The following GCA variants were observed in gnomAD, a reference collection of about 807,000 sequenced individuals.
GCA encodes the protein grancalcin, EF-hand calcium-binding protein.
A neutral mutation model predicts 32.6 loss-of-function variants in GCA; 30 were observed. The observed-to-expected ratio is 0.92, with a 90% CI of 0.69 to 1.25. The LOEUF (loss-of-function observed/expected upper bound fraction) is 1.25, where lower values mean the gene tolerates loss of function less well. Ranked by LOEUF, GCA falls within the 50% of genes most tolerant of loss-of-function variation. GCA has a pLI of 0.00. For synonymous variants in GCA, 102 were observed against 84.6 expected, an observed-to-expected ratio of 1.21 and a Z score of -1.13; for missense variants, 291 against 266.8, an observed-to-expected ratio of 1.09 and a Z score of -0.63.
intron 1 of GCA, among the ~76,000 whole-genome samples, chr2:162,320,228 C>T (rs1458654055): frequency 6.6e-6 from 1 of 152,146 alleles, no homozygotes; most frequent in Non-Finnish European, 1.5e-5. Context: ...TCTGTTTCTT[C>T]ACAGAACCCT....
rs545137170 is a variant in GCA, at chr2:162,359,790, A to T, written c.627+238A>T. On this transcript the variant is annotated intron_variant, in intron 7 of 7. Coordinates refer to ENST00000437150, the MANE Select transcript of GCA (RefSeq NM_012198.5). ...ATTTTTATGACAGGTTTTTTGAATT[A>T]AAAAAAAAATGATCTTTCAAATCAC... 4.4e-4 allele frequency among the ~76,000 whole-genome samples: 65 copies of T among 148,206 alleles called. 1 individual carries two copies. In the South Asian group the frequency reaches 0.013, roughly 30 times the overall value.
At chr2:162,371,327 A>G in exon 5 of GCA, 1 of 1,288,428 alleles carries the variant, frequency 7.8e-7, no homozygotes, top group Non-Finnish European at 1.0e-6. Context: ...GAACGTAATT[A>G]ACTTTGAACA....
chr2:162,375,216 A>G (rs1487531596), downstream of GCA, among the ~76,000 whole-genome samples: 3 of 152,218 alleles, frequency 2.0e-5, no homozygotes, highest in African/African-American at 7.2e-5. Flanking sequence ...TGAGTGGCTT[A>G]CAACAATGTT....
At chr2:162,320,242 C>G (rs192250694) in intron 1 of GCA, among the ~76,000 whole-genome samples, 54 of 152,310 alleles carry the variant, frequency 3.5e-4, no homozygotes, top group African/African-American at 1.2e-3. Context: ...GAACCCTACT[C>G]CTTTTTCACT....
At chr2:162,331,013 A>G (rs150873829) in intron 1 of GCA, among the ~76,000 whole-genome samples, 2 of 152,326 alleles carry the variant, frequency 1.3e-5, no homozygotes, top group East Asian at 1.9e-4. Flanking sequence ...CAATTGCACT[A>G]TGACTCATAC....
upstream of GCA, chr2:162,344,009 C>G (rs1684541234): frequency 1.7e-6 from 1 of 586,518 alleles, no homozygotes; most frequent in Admixed American, 2.9e-5. Flanking sequence ...TGGGGCTAGG[C>G]TGCGGGAAGG....
At chr2:162,349,530 T>C (rs1348013034) in intron 2 of GCA, among the ~76,000 whole-genome samples, 1 of 152,170 alleles carries the variant, frequency 6.6e-6, no homozygotes, top group Non-Finnish European at 1.5e-5. Flanking sequence ...TTTTTTTTCT[T>C]GATATGTTTC....
chr2:162,361,140 A>G lies in GCA; in HGVS notation c.*897A>G. ...CACTCTAATTGTTCAGAAATTTTAC[A>G]TTTGACTTATTTGACAACATTAACA... On this transcript the variant is annotated 3_prime_UTR_variant, in exon 8 of 8. Transcript: ENST00000437150. The G allele has an allele frequency of 1.0e-6, 1 of 981,652 alleles. No homozygotes were observed. The highest frequency in any genetic ancestry group is 1.2e-6 in the Non-Finnish European group (1 of 826,142). 60.8% of individuals were successfully genotyped at this position (981,652 alleles called of 1,614,324 possible).
intron 1 of GCA, among the ~76,000 whole-genome samples, chr2:162,332,581 G>A (rs559474730): frequency 5.3e-5 from 8 of 152,130 alleles, no homozygotes; most frequent in African/African-American, 1.9e-4. Context: ...CATAACTCAT[G>A]CCTACTAACA....
At chr2:162,371,199 A>T in intron 4 of GCA, 1 of 395,180 alleles carries the variant, frequency 2.5e-6, no homozygotes, top group South Asian at 2.1e-5. Context: ...ATAATTTTAA[A>T]TAGAAAGACC....
intron 2 of GCA, among the ~76,000 whole-genome samples, chr2:162,348,957 T>A (rs780649729): frequency 6.6e-6 from 1 of 151,886 alleles, no homozygotes; most frequent in Non-Finnish European, 1.5e-5. Flanking sequence ...TAATATAATA[T>A]TATATGAGTC....
At chr2:162,371,952 C>G (rs147843561), downstream of GCA, 8 of 1,613,730 alleles carry the variant, frequency 5.0e-6, no homozygotes, top group Non-Finnish European at 5.1e-6. Flanking sequence ...TTCTTTGCCG[C>G]AGGTGAAGCT....
At chr2:162,370,608 C>A (rs575461471) in intron 4 of GCA, among the ~76,000 whole-genome samples, 1 of 152,014 alleles carries the variant, frequency 6.6e-6, no homozygotes, top group Admixed American at 6.6e-5. Flanking sequence ...AATAACTAAA[C>A]ACAACTGAAA....
At position 162,361,763 on chromosome 2, in the gene GCA, A is replaced by G. The variant is rs1558906284; in HGVS notation, c.*1520A>G. The G allele has an allele frequency of 1.0e-6, 1 of 984,126 alleles. No individual in the cohort carries two copies. Among genetic ancestry groups the G allele is most frequent in the Non-Finnish European group, 1.2e-6 (1 of 828,922 alleles). The allele number at this position is 984,126 out of a possible 1,614,324, so 61.0% of individuals were successfully genotyped here. A position where few individuals can be genotyped will look rare whatever the true frequency, so the allele number is the denominator to read the frequency against. Reference sequence around the variant, plus strand: ...CATATATTTGATAATGTGAGAGGACATTAACTGAGCTGGGAAATTAAAGAA... The same window carrying G: ...CATATATTTGATAATGTGAGAGGACGTTAACTGAGCTGGGAAATTAAAGAA... On this transcript the variant is annotated 3_prime_UTR_variant, in exon 8 of 8. Transcript: ENST00000437150.
In GCA at chr2:162,356,486, C is replaced by G. The variant is rs1167043000; in HGVS notation, c.306+5C>G. 1.3e-6 allele frequency: 2 copies of G among 1,534,146 alleles called. No individual in the cohort carries two copies. The highest frequency in any genetic ancestry group is 1.8e-6 in the Non-Finnish European group (2 of 1,108,190). ...ATTATGATTGCCATGTTGGATGTAT[C>G]CTTGAATAGAAATAGAAAATACTAG... On this transcript the variant is annotated splice_donor_5th_base_variant and intron_variant, in intron 4 of 7. Coordinates refer to ENST00000437150, the MANE Select transcript of GCA (RefSeq NM_012198.5).
At chr2:162,339,899 T>C (rs1684383605), upstream of GCA, among the ~76,000 whole-genome samples, 1 of 152,220 alleles carries the variant, frequency 6.6e-6, no homozygotes, top group African/African-American at 2.4e-5. Flanking sequence ...ACAGACACTG[T>C]GTACGTACTT....
downstream of GCA, among the ~76,000 whole-genome samples, chr2:162,375,321 A>G (rs930178593): frequency 1.3e-5 from 2 of 152,228 alleles, no homozygotes; most frequent in African/African-American, 4.8e-5. Context: ...GTCAAAAATT[A>G]TCGTGATGTT....
Position 162,362,310 on chromosome 2 carries a change from A to G in GCA, c.*2067A>G. 1 of 984,428 alleles carries G rather than the reference A, an allele frequency of 1.0e-6. No homozygotes were observed. The highest frequency in any genetic ancestry group is 4.7e-5 in the South Asian group (1 of 21,286). The allele number at this position is 984,428 out of a possible 1,614,324, so 61.0% of individuals were successfully genotyped here. ...TGCCGATCCAACTTAATTGCCAGGC[A>G]ACTCTTCTGCACTTTACATTAAACA... On this transcript the variant is annotated 3_prime_UTR_variant, in exon 8 of 8. Coordinates refer to ENST00000437150, the MANE Select transcript of GCA (RefSeq NM_012198.5).
At chr2:162,329,507 A>T (rs1288793520) in intron 1 of GCA, among the ~76,000 whole-genome samples, 1 of 151,980 alleles carries the variant, frequency 6.6e-6, no homozygotes, top group East Asian at 1.9e-4. Context: ...AATCTTAATT[A>T]GCTCATCTCA....
Sources: allele counts gnomAD v4.1 joint callset (sites outside exome capture counted in the v4.1 genomes callset), GRCh38; gene constraint gnomAD v4.1.1; transcripts MANE v1.5; gene names NCBI Gene and HGNC (gene_info 2026-07-23, HGNC 2026-07-21).